DCAF5: variants seen among roughly 807,000 people sequenced by gnomAD.
DCAF5 encodes the protein DDB1 and CUL4 associated factor 5, also known as DDB1- and CUL4-associated factor 5.
DCAF5 carries 9 observed loss-of-function variants against 80.7 expected under a neutral mutation model. That is an observed-to-expected ratio of 0.11 (90% CI 0.07 to 0.19). DCAF5 has a LOEUF of 0.19. DCAF5 is among the 10% of genes least tolerant of loss of function. DCAF5 has a pLI of 1.00. For synonymous variants in DCAF5, 433 were observed against 461.9 expected (o/e 0.94, Z 0.80); for missense variants, 842 against 1,205.7 (o/e 0.70, Z 4.47).
intron 1 of DCAF5, among the ~76,000 whole-genome samples, chr14:69,125,899 C>T (rs1466322375): frequency 6.6e-6 from 1 of 151,642 alleles, no homozygotes; most frequent in Non-Finnish European, 1.5e-5. Flanking sequence ...GATAAACACA[C>T]ATAGTAAAAG....
At chr14:69,142,513 A>C (rs529637712) in intron 1 of DCAF5, among the ~76,000 whole-genome samples, 9 of 152,292 alleles carry the variant, frequency 5.9e-5, no homozygotes, top group African/African-American at 2.2e-4. Flanking sequence ...GACAGAAGCA[A>C]ATTTTACTTA....
intron 6 of DCAF5, chr14:69,089,979 C>T: frequency 1.0e-6 from 1 of 985,412 alleles, no homozygotes; most frequent in Middle Eastern, 5.2e-4. Flanking sequence ...TCTGGGTCTT[C>T]TAAGGTCCAT....
Position 69,053,900 on chromosome 14 carries a change from G to A in DCAF5, c.2786C>T (p.Thr929Ile). ...LKRQRIELED[T>I]DSENSSSEKK... ...CTCTGAGGAGGAATTCTCTGAATCTGTATCTTCCAATTCAATTCGTTGCCT... is the reference window on the plus strand; with the variant it reads ...CTCTGAGGAGGAATTCTCTGAATCTATATCTTCCAATTCAATTCGTTGCCT... The change falls in exon 9 of 9, where the codon ACA becomes ATA. Residue 929 changes from threonine to isoleucine, a missense_variant. Around this residue, in one of 5 missense-constraint regions of DCAF5, gnomAD observed 607 missense variants for 656.6 expected, o/e 0.92. Transcript: ENST00000341516. 3 of 1,610,516 alleles carry A rather than the reference G, an allele frequency of 1.9e-6. No individual in the cohort carries two copies. Among genetic ancestry groups the A allele is most frequent in the Non-Finnish European group, 2.5e-6 (3 of 1,179,450 alleles).
chr14:69,060,853 C>T (rs2038186521), intron 8 of DCAF5, among the ~76,000 whole-genome samples: 1 of 152,036 alleles, frequency 6.6e-6, no homozygotes, highest in Non-Finnish European at 1.5e-5. Flanking sequence ...TTTCTGACAG[C>T]TGCCCCCTGC....
In DCAF5 at chr14:69,054,094, G is replaced by C. The variant is rs978771870; in HGVS notation, c.2592C>G (p.His864Gln). 1.2e-6 allele frequency: 2 copies of C among 1,614,128 alleles called. No homozygotes were observed. The highest frequency in any genetic ancestry group is 1.7e-6 in the Non-Finnish European group (2 of 1,180,046). The part of the protein sequence containing the change: ...LEVVAYSSPG[H>Q]SDTDRDNSSL... ...ACGAGTTATCACGGTCAGTGTCTGA[G>C]TGTCCTGGGGAAGAGTAGGCCACCA... The change falls in exon 9 of 9, where the codon CAC becomes CAG. Residue 864 changes from histidine to glutamine, a missense_variant. His to Gln is a conservative substitution (Grantham distance 24). This residue lies in a region of DCAF5 where 607 missense variants were observed against 656.6 expected (regional missense o/e 0.92). Coordinates refer to ENST00000341516, the MANE Select transcript of DCAF5 (RefSeq NM_003861.3).
In DCAF5 at chr14:69,152,445, T is replaced by G; in HGVS notation, c.214+320A>C. On this transcript the variant is annotated intron_variant, in intron 1 of 8. Transcript: ENST00000341516. The surrounding 1 kb of genome is among the most constrained non-coding windows in gnomAD (Gnocchi z 4.1). ...AAGTACGCGGAGGAAGAGTTTGCCG[T>G]CAAACTTTGTAGAGCGGTAACCTCG... The G allele has an allele frequency of 7.6e-6, 2 of 262,462 alleles. No individual in the cohort carries two copies. Among genetic ancestry groups the G allele is most frequent in the Non-Finnish European group, 1.5e-5 (2 of 136,842 alleles). The allele number at this position is 262,462 out of a possible 1,614,324, so 16.3% of individuals were successfully genotyped here. A position where few individuals can be genotyped will look rare whatever the true frequency, so the allele number is the denominator to read the frequency against.
intron 7 of DCAF5, among the ~76,000 whole-genome samples, chr14:69,063,510 T>C (rs142538470): frequency 3.9e-5 from 6 of 152,310 alleles, no homozygotes; most frequent in East Asian, 1.9e-4. Flanking sequence ...ATTTATCTAC[T>C]CAAGGGATCC....
In DCAF5 at chr14:69,084,445, A is replaced by G. The variant is rs1594966751; in HGVS notation, c.879+7229T>C. 1.3e-5 allele frequency: 11 copies of G among 838,122 alleles called. No homozygotes were observed. In the East Asian group the frequency reaches 2.7e-4, roughly 20 times the overall value. The allele number at this position is 838,122 out of a possible 1,614,324, so 51.9% of individuals were successfully genotyped here. The stretch of plus-strand genomic sequence containing the variant: ...AACAAATTATTAAACTTTTGCCAAC[A>G]CGTAGACAGACGATGCTCTTTTCTG... On this transcript the variant is annotated intron_variant, in intron 6 of 8. Transcript: ENST00000341516.
intron 1 of DCAF5, among the ~76,000 whole-genome samples, chr14:69,127,110 C>T (rs960429211): frequency 6.6e-5 from 10 of 152,176 alleles, no homozygotes; most frequent in South Asian, 2.1e-4. Flanking sequence ...ACTCTTATCA[C>T]GCAATCCAGC....
intron 1 of DCAF5, among the ~76,000 whole-genome samples, chr14:69,139,633 G>A (rs985169296): frequency 2.0e-5 from 3 of 151,900 alleles, no homozygotes; most frequent in African/African-American, 4.8e-5. Context: ...GACCAACATG[G>A]TGAGACCCCG....
chr14:69,106,633 A>C (rs2040169665), intron 5 of DCAF5, among the ~76,000 whole-genome samples: 1 of 152,172 alleles, frequency 6.6e-6, no homozygotes, highest in African/African-American at 2.4e-5. Context: ...GGGGCTCCCA[A>C]AGTGCTAGGA....
In DCAF5 at chr14:69,118,690, G is replaced by A. The variant is rs534793353; in HGVS notation, c.396-412C>T. Among the ~76,000 whole-genome samples, 26 of 152,332 alleles carry A rather than the reference G, an allele frequency of 1.7e-4. No individual in the cohort carries two copies. The South Asian group carries it at 4.8e-3, about 28-fold the overall frequency. On this transcript the variant is annotated intron_variant, in intron 3 of 8. Coordinates refer to ENST00000341516, the MANE Select transcript of DCAF5 (RefSeq NM_003861.3). This position sits in a 1 kb window ranked among gnomAD's most constrained non-coding sequence, Gnocchi z 4.0. ...TCTCCTAGCAATCTGGCATGGTGAT[G>A]AAGAGCATGGCTCTGAGGCCAGATA...
Position 69,062,499 on chromosome 14 carries a change from C to A in DCAF5, c.959G>T (p.Arg320Met). The A allele has an allele frequency of 6.2e-7, 1 of 1,611,982 alleles. No individual in the cohort carries two copies. The highest frequency in any genetic ancestry group is 8.5e-7 in the Non-Finnish European group (1 of 1,178,842). Residue 320 changes from arginine (R) to methionine (M), a missense_variant, in exon 8 of 9, where the codon AGG becomes ATG. Arg to Met is a moderately conservative substitution (Grantham distance 91). Around this residue, in one of 5 missense-constraint regions of DCAF5, gnomAD observed 65 missense variants for 191.3 expected, o/e 0.34. Transcript: ENST00000341516. Reference sequence around the variant, plus strand: ...CACCATGAAGGCTCCGTTGACCACCCTACCAATGCCACCTGGGAAAACAGA... The same window carrying A: ...CACCATGAAGGCTCCGTTGACCACCATACCAATGCCACCTGGGAAAACAGA... ...PADPEAGGIG[R>M]VVNGAFMVLK...
At chr14:69,110,185 T>C (rs1161149746) in intron 5 of DCAF5, among the ~76,000 whole-genome samples, 1 of 152,118 alleles carries the variant, frequency 6.6e-6, no homozygotes, top group Non-Finnish European at 1.5e-5. Flanking sequence ...TACTGATTTG[T>C]ACTTCTTTAT....
intron 1 of DCAF5, among the ~76,000 whole-genome samples, chr14:69,142,646 C>A (rs1214012257): frequency 1.3e-5 from 2 of 152,188 alleles, no homozygotes; most frequent in Non-Finnish European, 2.9e-5. Context: ...TACTAGCACT[C>A]TCTGAGCAAA....
intron 5 of DCAF5, among the ~76,000 whole-genome samples, chr14:69,108,896 A>G (rs1043784341): frequency 6.6e-6 from 1 of 152,118 alleles, no homozygotes; most frequent in Non-Finnish European, 1.5e-5. Context: ...TTCTAGGTCC[A>G]CCTGACTCTT....
In DCAF5 at chr14:69,054,343, A is replaced by G. The variant is rs759272419; in HGVS notation, c.2343T>C (p.Asn781=). The G allele has an allele frequency of 4.3e-6, 7 of 1,614,178 alleles. No homozygotes were observed. The highest frequency in any genetic ancestry group is 1.7e-4 in the Middle Eastern group (1 of 6,060). The change falls in exon 9 of 9, where the codon AAT becomes AAC. Residue 781 remains asparagine (N), a synonymous_variant. Transcript: ENST00000341516. ...VEHPFETKKL[N]GKALSSRAEE... ...CAGCCCGACTGCTCAGGGCCTTTCC[A>G]TTGAGCTTCTTGGTTTCAAAAGGGT...
intron 1 of DCAF5, among the ~76,000 whole-genome samples, chr14:69,146,690 TACC>T (rs2041547584): frequency 6.6e-6 from 1 of 152,242 alleles, no homozygotes; most frequent in Admixed American, 6.5e-5. Context: ...ACATAATTTA[TACC>T]TGATTCATTG....
intron 1 of DCAF5, among the ~76,000 whole-genome samples, chr14:69,131,241 A>G (rs1475956720): frequency 6.6e-6 from 1 of 152,220 alleles, no homozygotes; most frequent in East Asian, 1.9e-4. Context: ...TCATATTGCT[A>G]AAGTGTTTTC....
Sources: gnomAD v4.1 joint callset for allele counts (sites outside exome capture counted in the v4.1 genomes callset) on GRCh38, gnomAD v4.1.1 for gene constraint, gnomAD v4.1.1 regional missense constraint, Gnocchi (gnomAD v3.1) non-coding constraint, MANE v1.5 for transcripts, NCBI Gene and HGNC (gene_info 2026-07-23, HGNC 2026-07-21) for gene names.